Variants in ATRNL1 observed in about 807,000 individuals in gnomAD.
The protein encoded by ATRNL1 is attractin-like protein 1.
A neutral mutation model predicts 182.7 loss-of-function variants in ATRNL1; 95 were observed. That is an observed-to-expected ratio of 0.52 (90% CI 0.44 to 0.62). The LOEUF is 0.62. ATRNL1 is among the 20% of genes least tolerant of loss of function. ATRNL1 has a pLI of 0.00. For synonymous variants in ATRNL1, 576 were observed against 568.3 expected (o/e 1.01, Z -0.19); for missense variants, 1,471 against 1,679.5 (o/e 0.88, Z 2.17).
intron 26 of ATRNL1, among the ~76,000 whole-genome samples, chr10:115,574,286 C>G (rs11812371): frequency 0.41 from 61,148 of 149,986 alleles, 13,280 homozygotes; most frequent in Middle Eastern, 0.5. Context: ...ATATCTATAA[C>G]TATGCAGATA....
At chr10:115,346,417 C>T (rs902263517) in intron 19 of ATRNL1, among the ~76,000 whole-genome samples, 2 of 152,080 alleles carry the variant, frequency 1.3e-5, no homozygotes, top group Non-Finnish European at 2.9e-5. Context: ...ATGGTTCATT[C>T]GTATGATAGC....
chr10:115,118,544 A>G (rs578218635), intron 1 of ATRNL1, among the ~76,000 whole-genome samples: 1 of 152,266 alleles, frequency 6.6e-6, no homozygotes, highest in East Asian at 1.9e-4. Flanking sequence ...CAGTTGAGGT[A>G]AAGGCTGGTT....
chr10:115,197,677 C>A (rs531747663), intron 8 of ATRNL1, among the ~76,000 whole-genome samples: 1 of 152,074 alleles, frequency 6.6e-6, no homozygotes, highest in Non-Finnish European at 1.5e-5. Flanking sequence ...CCAGTGCAGT[C>A]GGCCTGGGGA....
At chr10:115,161,000 TA>T (rs782185834) in intron 6 of ATRNL1, among the ~76,000 whole-genome samples, 1 of 151,898 alleles carries the variant, frequency 6.6e-6, no homozygotes, top group Non-Finnish European at 1.5e-5. Context: ...GAATTTCAGA[TA>T]AAAAACAAGT....
At chr10:115,456,617 A>G (rs1204452375) in intron 21 of ATRNL1, among the ~76,000 whole-genome samples, 16 of 152,312 alleles carry the variant, frequency 1.1e-4, no homozygotes, top group African/African-American at 3.6e-4. Flanking sequence ...CATGTATCCC[A>G]GAACTTAAAG....
chr10:115,740,975 A>G (rs1948123826), intron 27 of ATRNL1, among the ~76,000 whole-genome samples: 1 of 152,186 alleles, frequency 6.6e-6, no homozygotes, highest in Admixed American at 6.5e-5. Flanking sequence ...GGAAAATAAA[A>G]GTAATAACAG....
intron 24 of ATRNL1, among the ~76,000 whole-genome samples, chr10:115,474,011 A>G (rs1367598913): frequency 2.0e-5 from 3 of 151,160 alleles, no homozygotes; most frequent in Non-Finnish European, 4.4e-5. Context: ...TGTTTTAAAA[A>G]CCAACTGTTT....
intron 9 of ATRNL1, among the ~76,000 whole-genome samples, chr10:115,227,519 T>A (rs1554898911): frequency 6.6e-6 from 1 of 152,144 alleles, no homozygotes; most frequent in African/African-American, 2.4e-5. Flanking sequence ...GGAGATTTCT[T>A]AAAGAACTGA....
At chr10:115,607,019 C>T (rs1490976938) in intron 26 of ATRNL1, among the ~76,000 whole-genome samples, 1 of 151,946 alleles carries the variant, frequency 6.6e-6, no homozygotes, top group Non-Finnish European at 1.5e-5. Context: ...TGTATTAATG[C>T]AGTGATGATA....
At chr10:115,620,068 T>C (rs1170486253) in intron 26 of ATRNL1, among the ~76,000 whole-genome samples, 2 of 152,100 alleles carry the variant, frequency 1.3e-5, no homozygotes, top group African/African-American at 4.8e-5. Context: ...ATAAAAGAGG[T>C]TTATTTTGCT....
At chr10:115,867,898 A>G (rs1555105131) in intron 28 of ATRNL1, among the ~76,000 whole-genome samples, 2 of 151,800 alleles carry the variant, frequency 1.3e-5, no homozygotes, top group Non-Finnish European at 2.9e-5. Flanking sequence ...CACCACTCCC[A>G]GCTATTTATT....
At chr10:115,525,210 A>G (rs1294705918) in intron 25 of ATRNL1, among the ~76,000 whole-genome samples, 1 of 152,204 alleles carries the variant, frequency 6.6e-6, no homozygotes, top group Non-Finnish European at 1.5e-5. Flanking sequence ...GATGTTAAAT[A>G]GTACCACTGT....
At chr10:115,553,957 A>G (rs1302783028) in intron 26 of ATRNL1, among the ~76,000 whole-genome samples, 1 of 151,488 alleles carries the variant, frequency 6.6e-6, no homozygotes, top group Non-Finnish European at 1.5e-5. Flanking sequence ...TATTTACAGA[A>G]AGAAGATTCG....
At chr10:115,907,709 G>A (rs72832831) in intron 28 of ATRNL1, among the ~76,000 whole-genome samples, 1 of 151,722 alleles carries the variant, frequency 6.6e-6, no homozygotes, top group African/African-American at 2.4e-5. Context: ...GATACTTATA[G>A]CAAATATTTT....
intron 21 of ATRNL1, among the ~76,000 whole-genome samples, chr10:115,434,718 T>C (rs1223596188): frequency 6.6e-6 from 1 of 152,174 alleles, no homozygotes; most frequent in African/African-American, 2.4e-5. Flanking sequence ...CTGAAAGGCA[T>C]GCATTCCAAT....
chr10:115,302,131 AGTTTC>A, intron 17 of ATRNL1, 88 bp downstream of exon 17: 4 of 1,270,560 alleles, frequency 3.1e-6, no homozygotes, highest in Admixed American at 2.6e-5. Flanking sequence ...TATTTGAAGA[AGTTTC>A]AAAAAATGAG....
intron 21 of ATRNL1, among the ~76,000 whole-genome samples, chr10:115,429,727 T>C (rs1232116882): frequency 2.0e-5 from 3 of 152,156 alleles, no homozygotes; most frequent in Non-Finnish European, 2.9e-5. Flanking sequence ...ATCTCTTTTT[T>C]GAATGTTATT....
intron 26 of ATRNL1, among the ~76,000 whole-genome samples, chr10:115,661,999 A>G (rs1248687862): frequency 4.1e-5 from 6 of 146,294 alleles, no homozygotes; most frequent in African/African-American, 1.0e-4. Flanking sequence ...TCATTGTTCA[A>G]TTCCCACCTA....
chr10:115,908,431 A>C (rs1381531712), intron 28 of ATRNL1, among the ~76,000 whole-genome samples: 2 of 152,072 alleles, frequency 1.3e-5, no homozygotes, highest in African/African-American at 4.8e-5. Flanking sequence ...CAAAACTAGC[A>C]GGATCTGGTT....
Sources: gnomAD v4.1 joint callset for allele counts (sites outside exome capture counted in the v4.1 genomes callset) on GRCh38, gnomAD v4.1.1 for gene constraint, MANE v1.5 for transcripts, NCBI Gene and HGNC (gene_info 2026-07-23, HGNC 2026-07-21) for gene names.